PDZD2: variants seen among roughly 807,000 people sequenced by gnomAD.
PDZD2 encodes PDZ domain containing 2, also known as PDZ domain-containing protein 2.
Under a neutral mutation model 220.7 loss-of-function variants are expected in PDZD2, and 90 were observed. That is an observed-to-expected ratio of 0.41 (90% CI 0.34 to 0.49). The LOEUF is 0.49. Ranked by LOEUF, PDZD2 falls within the 20% of genes least tolerant of loss-of-function variation. The probability of loss-of-function intolerance (pLI) is 0.28; values close to 1 mark genes in which losing one functional copy is unlikely to be tolerated. For missense variants in PDZD2, 3,174 were observed against 3,608.5 expected, an observed-to-expected ratio of 0.88 and a Z score of 3.08; for synonymous variants, 1,375 against 1,450.5, an observed-to-expected ratio of 0.95 and a Z score of 1.18.
chr5:32,007,526 A>C (rs1752927357), intron 5 of PDZD2, among the ~76,000 whole-genome samples: 1 of 152,172 alleles, frequency 6.6e-6, no homozygotes, highest in Non-Finnish European at 1.5e-5. Context: ...GATTCAAATT[A>C]TCTTCAGGTA....
rs766049216 is a variant in PDZD2 at position 32,048,582 on chromosome 5, G to T, written c.1563G>T (p.Leu521=). 1.2e-6 allele frequency: 2 copies of T among 1,613,916 alleles called. No individual in the cohort carries two copies. The highest frequency in any genetic ancestry group is 1.7e-5 in the Admixed American group (1 of 60,024). Residue 521 remains leucine (L), a synonymous_variant, in exon 8 of 25, where the codon CTG becomes CTT. Transcript: ENST00000438447. The stretch of plus-strand genomic sequence containing the variant: ...AGTCAGTTGAAGAATATAACGAGCT[G>T]ATGGTGCGGAATGGGGACCCCCGGA... The part of the protein sequence containing the change: ...RLESVEEYNE[L]MVRNGDPRIR...
chr5:32,105,479 C>T (rs185483306), intron 24 of PDZD2, among the ~76,000 whole-genome samples: 16 of 151,982 alleles, frequency 1.1e-4, no homozygotes, highest in African/African-American at 3.6e-4. Context: ...GCAGTGCTTA[C>T]GAAAATGGAA....
At chr5:31,875,509 C>T (rs1739219849) in intron 2 of PDZD2, among the ~76,000 whole-genome samples, 1 of 150,664 alleles carries the variant, frequency 6.6e-6, no homozygotes, top group Admixed American at 6.7e-5. Flanking sequence ...TTGCTTGAAC[C>T]TGGGAGGTGG....
chr5:31,985,799 C>A (rs998519598), intron 3 of PDZD2, among the ~76,000 whole-genome samples: 10 of 151,988 alleles, frequency 6.6e-5, no homozygotes, highest in Non-Finnish European at 1.2e-4. Context: ...GAACTTCTGG[C>A]CGGGCGCAGT....
At chr5:31,993,296 T>G (rs1233902941) in intron 3 of PDZD2, among the ~76,000 whole-genome samples, 2 of 152,200 alleles carry the variant, frequency 1.3e-5, no homozygotes, top group African/African-American at 2.4e-5. Context: ...CAGACAGGCT[T>G]CATTTGACTG....
At chr5:31,835,260 A>G (rs937552116) in intron 2 of PDZD2, among the ~76,000 whole-genome samples, 2 of 152,196 alleles carry the variant, frequency 1.3e-5, no homozygotes, top group Admixed American at 1.3e-4. Flanking sequence ...GCAAGTTATT[A>G]TCCCTCGAAT....
intron 2 of PDZD2, among the ~76,000 whole-genome samples, chr5:31,818,423 C>G (rs1755610249): frequency 6.6e-6 from 1 of 152,174 alleles, no homozygotes. Context: ...CCTGTGCCTG[C>G]CACCCATCCT....
chr5:31,683,340 A>C (rs1746727483), intron 1 of PDZD2, among the ~76,000 whole-genome samples: 1 of 152,036 alleles, frequency 6.6e-6, no homozygotes. Flanking sequence ...TTGAAGTTTT[A>C]TTTTCTAGTA....
At chr5:32,095,729 T>C (rs1015886756) in intron 21 of PDZD2, among the ~76,000 whole-genome samples, 8 of 147,500 alleles carry the variant, frequency 5.4e-5, no homozygotes, top group Admixed American at 2.0e-4. Flanking sequence ...TCTTTTTTTT[T>C]TTCCTTCTCC....
rs190045444 is a variant in PDZD2, at chr5:31,703,199, T to A, written c.-361+63762T>A. 5.9e-5 allele frequency among the ~76,000 whole-genome samples: 9 copies of A among 152,344 alleles called. No homozygotes were observed. The East Asian group carries it at 1.5e-3, about 26-fold the overall frequency. ...CATTAGATTTTGTGGAAAGCCTGAA[T>A]TACAGAGTGCTTTAGGGAAACCAAC... is the stretch of plus-strand genomic sequence containing the variant. On this transcript the variant is annotated intron_variant, in intron 1 of 24. Transcript: ENST00000438447.
intron 2 of PDZD2, among the ~76,000 whole-genome samples, chr5:31,850,210 ATGT>A: frequency 8.7e-6 from 1 of 114,712 alleles, no homozygotes; most frequent in African/African-American, 3.9e-5. Context: ...ATAAGTATAT[ATGT>A]GTATATATAT....
intron 2 of PDZD2, among the ~76,000 whole-genome samples, chr5:31,834,243 C>T (rs1756805687): frequency 6.6e-6 from 1 of 152,220 alleles, no homozygotes; most frequent in African/African-American, 2.4e-5. Context: ...AGTTGGAGCA[C>T]CTGCCCTGCT....
chr5:31,929,837 A>G (rs1177643710), intron 2 of PDZD2, among the ~76,000 whole-genome samples: 3 of 152,116 alleles, frequency 2.0e-5, no homozygotes, highest in Non-Finnish European at 4.4e-5. Flanking sequence ...GTCCCCTCCA[A>G]GTCTCCTGTT....
intron 5 of PDZD2, among the ~76,000 whole-genome samples, chr5:32,003,420 AC>A (rs148091252): frequency 0.61 from 30,405 of 50,130 alleles, 10,097 homozygotes; most frequent in Non-Finnish European, 0.73. Flanking sequence ...CCACACACAC[AC>A]CCCCCCCACA....
intron 1 of PDZD2, among the ~76,000 whole-genome samples, chr5:31,783,397 G>T (rs1369774106): frequency 6.6e-6 from 1 of 152,184 alleles, no homozygotes; most frequent in Non-Finnish European, 1.5e-5. Context: ...CAGGCAGGGG[G>T]CTAGAGCATC....
chr5:31,952,580 C>G (rs1272890976), intron 2 of PDZD2, among the ~76,000 whole-genome samples: 1 of 152,160 alleles, frequency 6.6e-6, no homozygotes, highest in African/African-American at 2.4e-5. Context: ...ACCATAGTTC[C>G]TGTAGCTAAT....
intron 1 of PDZD2, among the ~76,000 whole-genome samples, chr5:31,659,460 G>A (rs1176055317): frequency 1.3e-5 from 2 of 151,788 alleles, no homozygotes; most frequent in African/African-American, 4.8e-5. Context: ...AATGTCCCAA[G>A]CCAAGCTCAC....
chr5:32,088,642 A>G lies in PDZD2; in HGVS notation c.5194A>G (p.Asn1732Asp). Residue 1732 changes from asparagine to aspartate, a missense_variant, in exon 20 of 25, where the codon AAT becomes GAT. Transcript: ENST00000438447. The surrounding 1 kb of genome is among the most constrained non-coding windows in gnomAD (Gnocchi z 4.6). ...PIILSSPNMV[N>D]GLEHDLLDDE... ...CATTCTCAGCTCCCCCAACATGGTA[A>G]ATGGCTTGGAACATGACCTGCTAGA... The G allele has an allele frequency of 6.2e-7, 1 of 1,614,070 alleles. No individual in the cohort carries two copies. The highest frequency in any genetic ancestry group is 1.1e-5 in the South Asian group (1 of 91,070).
At chr5:31,712,173 G>T (rs554176203) in intron 1 of PDZD2, 1 of 152,246 alleles carries the variant, frequency 6.6e-6, no homozygotes, top group African/African-American at 2.4e-5. Context: ...AGTGGGTCCC[G>T]TGAACAGATC....
Sources: gnomAD v4.1 joint callset for allele counts (sites outside exome capture counted in the v4.1 genomes callset) on GRCh38, gnomAD v4.1.1 for gene constraint, Gnocchi (gnomAD v3.1) non-coding constraint, MANE v1.5 for transcripts, NCBI Gene and HGNC (gene_info 2026-07-23, HGNC 2026-07-21) for gene names.